The following LONP2 variants were observed in gnomAD, a reference collection of about 807,000 sequenced individuals.
LONP2 encodes the protein lon protease homolog 2, peroxisomal.
In LONP2, 60 loss-of-function variants were observed where a neutral mutation model predicts 85.6. The observed-to-expected ratio is 0.70, with a 90% CI of 0.57 to 0.87. The LOEUF (loss-of-function observed/expected upper bound fraction) is 0.87. Among genes scored for constraint, LONP2 ranks in the 40% least tolerant of loss-of-function variants. The pLI is 0.00. For missense variants in LONP2, 860 were observed against 1,063.5 expected, an observed-to-expected ratio of 0.81 and a Z score of 2.66; for synonymous variants, 395 against 389.7, an observed-to-expected ratio of 1.01 and a Z score of -0.16.
At chr16:48,262,153 A>G (rs60791230) in intron 5 of LONP2, among the ~76,000 whole-genome samples, 2,083 of 152,288 alleles carry the variant, frequency 0.014, 47 homozygotes, top group African/African-American at 0.047. Flanking sequence ...TAGTTAATAT[A>G]TGTAGAACAT....
chr16:48,288,966 C>T (rs1376963061), intron 8 of LONP2, among the ~76,000 whole-genome samples: 1 of 152,106 alleles, frequency 6.6e-6, no homozygotes, highest in African/African-American at 2.4e-5. Context: ...ATTATATTTT[C>T]AATGAAAGCA....
At chr16:48,281,728 A>G (rs1002376006) in intron 8 of LONP2, among the ~76,000 whole-genome samples, 1 of 152,214 alleles carries the variant, frequency 6.6e-6, no homozygotes, top group Admixed American at 6.5e-5. Context: ...CCCAAAATAG[A>G]GAAGTCACTA....
chr16:48,359,479 C>G (rs748468824), downstream of LONP2, among the ~76,000 whole-genome samples: 1 of 152,010 alleles, frequency 6.6e-6, no homozygotes, highest in Non-Finnish European at 1.5e-5. Context: ...AATCCCAGCA[C>G]TTGGGAGGCA....
At chr16:48,262,657 T>C (rs1971902091) in intron 5 of LONP2, 121 bp from the exon 6 acceptor site, 2 of 591,556 alleles carry the variant, frequency 3.4e-6, no homozygotes, top group Non-Finnish European at 3.0e-6. Context: ...TTTAAAACTT[T>C]TTCAGATTTG....
At chr16:48,360,332 A>G (rs1960534013), downstream of LONP2, among the ~76,000 whole-genome samples, 2 of 152,246 alleles carry the variant, frequency 1.3e-5, no homozygotes, top group South Asian at 4.1e-4. Context: ...TAAGAATCAA[A>G]ATGTGGGCAA....
At chr16:48,294,359 T>A (rs1197673906) in intron 8 of LONP2, among the ~76,000 whole-genome samples, 2 of 152,224 alleles carry the variant, frequency 1.3e-5, no homozygotes, top group African/African-American at 4.8e-5. Flanking sequence ...ATATTAAACA[T>A]TATTAAGTCT....
At position 48,352,226 on chromosome 16, in the gene LONP2, G is replaced by A. The variant is rs1410248624; in HGVS notation, c.*424G>A. On this transcript the variant is annotated 3_prime_UTR_variant, in exon 15 of 15. Coordinates refer to ENST00000285737, the MANE Select transcript of LONP2 (RefSeq NM_031490.5). ...TAATTCTGCTGCACACTCAAGTTCA[G>A]GAACCACCGGTATAGACCATTACCT... 5.3e-6 allele frequency: 1 copy of A among 189,486 alleles called. No homozygotes were observed. Among genetic ancestry groups the A allele is most frequent in the East Asian group, 1.3e-4 (1 of 7,702 alleles). The allele number at this position is 189,486 out of a possible 1,614,324, so 11.7% of individuals were successfully genotyped here. A position where few individuals can be genotyped will look rare whatever the true frequency, so the allele number is the denominator to read the frequency against.
chr16:48,275,788 C>T (rs1567318561), intron 7 of LONP2, among the ~76,000 whole-genome samples: 1 of 152,120 alleles, frequency 6.6e-6, no homozygotes, highest in Non-Finnish European at 1.5e-5. Flanking sequence ...GAATTTGAAC[C>T]TTATTCTGTA....
chr16:48,332,823 G>T (rs368130407), intron 11 of LONP2, among the ~76,000 whole-genome samples: 1 of 152,084 alleles, frequency 6.6e-6, no homozygotes, highest in Non-Finnish European at 1.5e-5. Context: ...CAGGAGAATC[G>T]CTTGAACCCA....
intron 9 of LONP2, among the ~76,000 whole-genome samples, 183 bp from the exon 10 acceptor site, chr16:48,299,479 G>A (rs1972753774): frequency 6.6e-6 from 1 of 151,992 alleles, no homozygotes; most frequent in South Asian, 2.1e-4. Flanking sequence ...CTGCTCGGGA[G>A]GGTGAGGCAG....
intron 8 of LONP2, among the ~76,000 whole-genome samples, 172 bp downstream of exon 8, chr16:48,277,651 T>G (rs1972240009): frequency 6.6e-6 from 1 of 152,208 alleles, no homozygotes; most frequent in Admixed American, 6.5e-5. Flanking sequence ...TTTTTGAGAT[T>G]TCTTTCACTA....
At chr16:48,296,819 C>CAAGAGTTAA (rs1239018424) in intron 9 of LONP2, among the ~76,000 whole-genome samples, 1 of 151,304 alleles carries the variant, frequency 6.6e-6, no homozygotes, top group African/African-American at 2.4e-5. Context: ...CCTCTTGAAT[C>CAAGAGTTAA]TGTCAAATAG....
chr16:48,286,962 CTGT>C (rs1028252096), intron 8 of LONP2, among the ~76,000 whole-genome samples: 2 of 151,648 alleles, frequency 1.3e-5, no homozygotes, highest in Non-Finnish European at 2.9e-5. Flanking sequence ...TTTGTTTGTG[CTGT>C]TGTTGTTGCT....
At chr16:48,249,602 G>A (rs1181885312) in intron 1 of LONP2, among the ~76,000 whole-genome samples, 4 of 152,134 alleles carry the variant, frequency 2.6e-5, no homozygotes, top group Non-Finnish European at 5.9e-5. Flanking sequence ...TAGGCTGGGC[G>A]AGGTGGGTCT....
At position 48,262,721 on chromosome 16, in the gene LONP2, T is replaced by C. The variant is rs1192449337; in HGVS notation, c.888-57T>C. The C allele has an allele frequency of 5.4e-6, 6 of 1,105,684 alleles. No homozygotes were observed. In the African/African-American group the frequency reaches 6.3e-5, roughly 12 times the overall value. 68.5% of individuals were successfully genotyped at this position (1,105,684 alleles called of 1,614,324 possible). On this transcript the variant is annotated intron_variant, in intron 5 of 14. Transcript: ENST00000285737. ...GAAAGAGAGCTGTGTTTGATTTTTC[T>C]GTTATGGAATTTTTCTGTGTTCTTG...
intron 6 of LONP2, among the ~76,000 whole-genome samples, chr16:48,265,186 CT>C (rs1273322350): frequency 6.6e-6 from 1 of 152,104 alleles, no homozygotes; most frequent in African/African-American, 2.4e-5. Context: ...TTTTGCTGAA[CT>C]TTTTTTATTC....
At chr16:48,283,025 G>A (rs1972363450) in intron 8 of LONP2, among the ~76,000 whole-genome samples, 1 of 152,164 alleles carries the variant, frequency 6.6e-6, no homozygotes, top group Non-Finnish European at 1.5e-5. Context: ...TAGTGGTCTG[G>A]ATAAAAGATT....
At chr16:48,254,121 G>A (rs981726813) in intron 2 of LONP2, among the ~76,000 whole-genome samples, 2 of 151,984 alleles carry the variant, frequency 1.3e-5, no homozygotes, top group African/African-American at 4.8e-5. Flanking sequence ...AGAAGTCTGG[G>A]GCATCCCATT....
downstream of LONP2, chr16:48,360,409 T>TA (rs1397796582): frequency 6.6e-6 from 1 of 152,526 alleles, no homozygotes; most frequent in Non-Finnish European, 1.5e-5. Flanking sequence ...TGATTAGAGT[T>TA]AAGTCTACCG....
Sources: allele counts gnomAD v4.1 joint callset (sites outside exome capture counted in the v4.1 genomes callset), GRCh38; gene constraint gnomAD v4.1.1; transcripts MANE v1.5; gene names NCBI Gene and HGNC (gene_info 2026-07-23, HGNC 2026-07-21).